Variants in KCTD8 observed in about 807,000 individuals in gnomAD.
KCTD8 encodes the protein potassium channel tetramerization domain containing 8.
Under a neutral mutation model 31.5 loss-of-function variants are expected in KCTD8, and 27 were observed. The observed-to-expected ratio is 0.86, with a 90% CI of 0.63 to 1.18. The LOEUF is 1.18. Ranked by LOEUF, KCTD8 falls within the 50% of genes most tolerant of loss-of-function variation. KCTD8 has a pLI of 0.00. For missense variants in KCTD8, 658 were observed against 647.7 expected (o/e 1.02, Z -0.17); for synonymous variants, 290 against 280.0 (o/e 1.04, Z -0.36).
intron 1 of KCTD8, among the ~76,000 whole-genome samples, chr4:44,292,623 T>C (rs986086359): frequency 1.3e-5 from 2 of 152,084 alleles, no homozygotes; most frequent in Non-Finnish European, 2.9e-5. Context: ...GAATCTAAAA[T>C]AAAAGTTGAA....
At chr4:44,176,860 C>CATCTATCTATCTATCTATCTATCTATCT (rs58202328) in intron 1 of KCTD8, among the ~76,000 whole-genome samples, 24 of 148,472 alleles carry the variant, frequency 1.6e-4, no homozygotes, top group East Asian at 4.0e-4. Context: ...TATATGTCTA[C>CATCTATCTATCTATCTATCTATCTATCT]ATCTATCTAT....
chr4:44,349,042 T>C (rs1048046339), intron 1 of KCTD8, among the ~76,000 whole-genome samples: 2 of 151,672 alleles, frequency 1.3e-5, no homozygotes, highest in African/African-American at 4.9e-5. Context: ...CTAATGTCTA[T>C]GCTTAGTAGC....
intron 1 of KCTD8, among the ~76,000 whole-genome samples, chr4:44,388,492 G>A (rs183873592): frequency 5.9e-5 from 9 of 151,952 alleles, no homozygotes; most frequent in Non-Finnish European, 1.2e-4. Flanking sequence ...AAGAAAATGT[G>A]GTACATATAT....
At position 44,333,599 on chromosome 4, in the gene KCTD8, C is replaced by A. The variant is rs137987434; in HGVS notation, c.961+113964G>T. On this transcript the variant is annotated intron_variant, in intron 1 of 1. Coordinates refer to ENST00000360029, the MANE Select transcript of KCTD8 (RefSeq NM_198353.3). ...TGTCTTGATTGCTACCAGTCATTGA[C>A]CTTACCACTCATCCATTTCCTCACA... 4.8e-4 allele frequency among the ~76,000 whole-genome samples: 73 copies of A among 152,148 alleles called. 2 individuals carry two copies. In the East Asian group the frequency reaches 0.014, roughly 29 times the overall value.
intron 1 of KCTD8, among the ~76,000 whole-genome samples, chr4:44,230,467 A>G (rs1393767012): frequency 6.6e-6 from 1 of 152,208 alleles, no homozygotes; most frequent in African/African-American, 2.4e-5. Context: ...ATGATTGTGC[A>G]TCATATAGTT....
intron 1 of KCTD8, among the ~76,000 whole-genome samples, chr4:44,191,744 GTTGT>G (rs1395652200): frequency 6.6e-6 from 1 of 152,136 alleles, no homozygotes; most frequent in East Asian, 1.9e-4. Flanking sequence ...CCTGTTTTCT[GTTGT>G]TTAAGATGTT....
chr4:44,252,768 T>G (rs1366307835), intron 1 of KCTD8, among the ~76,000 whole-genome samples: 4 of 151,918 alleles, frequency 2.6e-5, no homozygotes, highest in Admixed American at 2.6e-4. Flanking sequence ...ATTTTACATC[T>G]ACAATCACAC....
At chr4:44,184,608 C>T (rs1017001563) in intron 1 of KCTD8, among the ~76,000 whole-genome samples, 2 of 152,258 alleles carry the variant, frequency 1.3e-5, no homozygotes, top group East Asian at 1.9e-4. Context: ...ATTGTAAACT[C>T]CTCAAAAGCA....
At chr4:44,360,235 T>C (rs1719461156) in intron 1 of KCTD8, among the ~76,000 whole-genome samples, 1 of 152,070 alleles carries the variant, frequency 6.6e-6, no homozygotes, top group Non-Finnish European at 1.5e-5. Context: ...ACACACACCA[T>C]CCAAATTCTC....
intron 1 of KCTD8, among the ~76,000 whole-genome samples, chr4:44,224,713 T>C (rs1381622200): frequency 6.6e-6 from 1 of 152,208 alleles, no homozygotes; most frequent in East Asian, 1.9e-4. Context: ...CTTAATATAA[T>C]AAAAATATAT....
At chr4:44,432,487 G>T (rs1207669846) in intron 1 of KCTD8, among the ~76,000 whole-genome samples, 1 of 151,644 alleles carries the variant, frequency 6.6e-6, no homozygotes, top group East Asian at 1.9e-4. Context: ...ATTCCCCAGA[G>T]ATCTGAATTC....
intron 1 of KCTD8, among the ~76,000 whole-genome samples, chr4:44,322,102 T>C (rs115277872): frequency 0.028 from 4,310 of 152,072 alleles, 242 homozygotes; most frequent in African/African-American, 0.098. Context: ...TTTCCCTTTT[T>C]TTGGTTATAT....
intron 1 of KCTD8, among the ~76,000 whole-genome samples, chr4:44,253,294 A>G (rs1715898234): frequency 1.3e-5 from 2 of 151,588 alleles, no homozygotes; most frequent in Non-Finnish European, 3.0e-5. Context: ...TTTCTTTTTA[A>G]TCACAAATTC....
intron 1 of KCTD8, among the ~76,000 whole-genome samples, chr4:44,201,896 A>G (rs1714162103): frequency 6.6e-6 from 1 of 152,174 alleles, no homozygotes; most frequent in Non-Finnish European, 1.5e-5. Flanking sequence ...TATGCATCTG[A>G]CAGAAGTCTA....
At chr4:44,181,901 C>T (rs547961334) in intron 1 of KCTD8, among the ~76,000 whole-genome samples, 7 of 150,452 alleles carry the variant, frequency 4.7e-5, no homozygotes, top group African/African-American at 1.2e-4. Context: ...GCCTGGCAGC[C>T]GCCCCATCTG....
chr4:44,228,357 T>A (rs1715024168), intron 1 of KCTD8, among the ~76,000 whole-genome samples: 1 of 152,108 alleles, frequency 6.6e-6, no homozygotes. Context: ...TGGATTAGGG[T>A]CTGCCCTTAG....
At chr4:44,400,733 A>AC (rs1442626704) in intron 1 of KCTD8, among the ~76,000 whole-genome samples, 1 of 151,488 alleles carries the variant, frequency 6.6e-6, no homozygotes, top group Non-Finnish European at 1.5e-5. Context: ...TGTCTCAAAA[A>AC]AAAAAAAAAA....
chr4:44,267,451 C>T (rs1289751833), intron 1 of KCTD8, among the ~76,000 whole-genome samples: 2 of 151,958 alleles, frequency 1.3e-5, no homozygotes, highest in East Asian at 1.9e-4. Context: ...AGGAAAGATC[C>T]AAAATTGACA....
chr4:44,264,118 A>G (rs1716263034), intron 1 of KCTD8, among the ~76,000 whole-genome samples: 1 of 152,202 alleles, frequency 6.6e-6, no homozygotes, highest in African/African-American at 2.4e-5. Context: ...TTAGCAATGA[A>G]AAGGTGCTTT....
Sources: gnomAD v4.1 joint callset for allele counts (sites outside exome capture counted in the v4.1 genomes callset) on GRCh38, gnomAD v4.1.1 for gene constraint, MANE v1.5 for transcripts, NCBI Gene and HGNC (gene_info 2026-07-23, HGNC 2026-07-21) for gene names.